The following RMC1 variants were observed in gnomAD, a reference collection of about 807,000 sequenced individuals.
RMC1 encodes the protein regulator of MON1-CCZ1 complex.
In RMC1, 44 loss-of-function variants were observed where a neutral mutation model predicts 95.5. The ratio of observed to expected loss-of-function variants is 0.46; its 90% CI spans 0.36 to 0.59. The LOEUF (loss-of-function observed/expected upper bound fraction) is 0.59, where lower values mean the gene tolerates loss of function less well. RMC1 is among the 20% of genes least tolerant of loss of function. The pLI, the probability that RMC1 is intolerant of heterozygous loss-of-function variation, is 0.00. For synonymous variants in RMC1, 320 were observed against 303.6 expected (o/e 1.05, Z -0.56); for missense variants, 705 against 819.6 (o/e 0.86, Z 1.71).
At chr18:23,529,773 CACT>C in intron 16 of RMC1, 61 bp downstream of exon 16, 2 of 1,491,634 alleles carry the variant, frequency 1.3e-6, no homozygotes, top group Non-Finnish European at 1.9e-6. Context: ...AAAACACAGT[CACT>C]GTCTTAGAAG....
rs1448347988 is a variant in RMC1, at chr18:23,519,148, G to A, written c.823G>A (p.Val275Ile). The change falls in exon 9 of 20, where the codon GTA (valine) becomes ATA (isoleucine). Residue 275 changes from valine to isoleucine, a missense_variant. Coordinates refer to ENST00000269221, the MANE Select transcript of RMC1 (RefSeq NM_013326.5). ...KFALNVVDNL[V>I]VVHHQDTETS... Reference sequence around the variant, plus strand: ...TGCCCTGAACGTGGTGGACAACCTGGTAGTCGTGCATCATCAGGATACAGA... The same window carrying A: ...TGCCCTGAACGTGGTGGACAACCTGATAGTCGTGCATCATCAGGATACAGA... 1.2e-6 allele frequency: 2 copies of A among 1,614,024 alleles called. No homozygotes were observed. Among genetic ancestry groups the A allele is most frequent in the Non-Finnish European group, 1.7e-6 (2 of 1,180,014 alleles).
At chr18:23,504,293 T>G (rs2145113109) in intron 1 of RMC1, 78 bp from the exon 2 acceptor site, 1 of 1,226,394 alleles carries the variant, frequency 8.2e-7, no homozygotes, top group South Asian at 1.2e-5. Flanking sequence ...ATAACAGAAA[T>G]AATCGCTTGC....
In RMC1 at chr18:23,510,033, A is replaced by G. The variant is rs1598848477; in HGVS notation, c.408+754A>G. Among the ~76,000 whole-genome samples the G allele has an allele frequency of 3.4e-5, 5 of 148,746 alleles. No individual in the cohort carries two copies. The South Asian group carries it at 1.0e-3, about 31-fold the overall frequency. ...AAGTAATAAATTAAAAAAAAAAAAA[A>G]GAAAAGAAAAAGGGCTTGGTGGCCC... On this transcript the variant is annotated intron_variant, in intron 5 of 19. Transcript: ENST00000269221.
At chr18:23,526,564 T>A in intron 12 of RMC1, 73 bp from the exon 13 acceptor site, 1 of 1,570,130 alleles carries the variant, frequency 6.4e-7, no homozygotes. Flanking sequence ...CCGCAGATGT[T>A]TAGGGGAACC....
At chr18:23,505,727 T>C (rs1162087837) in intron 2 of RMC1, among the ~76,000 whole-genome samples, 1 of 152,052 alleles carries the variant, frequency 6.6e-6, no homozygotes, top group East Asian at 1.9e-4. Context: ...TGGCATTGCA[T>C]AGGCAATCAA....
chr18:23,514,691 T>C (rs1264270918), intron 5 of RMC1, among the ~76,000 whole-genome samples: 1 of 152,254 alleles, frequency 6.6e-6, no homozygotes. Context: ...GGGAGTTCCC[T>C]ATGGTAATCA....
At chr18:23,530,203 G>A in intron 17 of RMC1, 26 bp from the exon 18 acceptor site, 1 of 1,614,030 alleles carries the variant, frequency 6.2e-7, no homozygotes, top group Non-Finnish European at 8.5e-7. Context: ...CTTTCCAACT[G>A]AAGTGGGTCT....
chr18:23,529,443 G>A (rs1464043099), intron 15 of RMC1, 145 bp downstream of exon 15: 1 of 1,377,502 alleles, frequency 7.3e-7, no homozygotes, highest in Non-Finnish European at 9.7e-7. Context: ...AGAGCTGGTA[G>A]TTTGGCTTCT....
chr18:23,507,156 T>A, intron 3 of RMC1, 102 bp downstream of exon 3: 1 of 788,002 alleles, frequency 1.3e-6, no homozygotes, highest in Non-Finnish European at 2.1e-6. Flanking sequence ...TTTATTATCT[T>A]ACTGTTGTGA....
chr18:23,529,074 A>G (rs1348013639), intron 14 of RMC1, 105 bp from the exon 15 acceptor site: 32 of 1,500,202 alleles, frequency 2.1e-5, no homozygotes, highest in Non-Finnish European at 2.8e-5. Context: ...TTTTCCGCTC[A>G]TATCCTGGGT....
chr18:23,505,505 C>T (rs569302060), intron 2 of RMC1, among the ~76,000 whole-genome samples: 69 of 152,292 alleles, frequency 4.5e-4, no homozygotes, highest in Admixed American at 3.6e-3. Context: ...CCAGCTTGAA[C>T]CTTACATATT....
At chr18:23,518,193 C>T (rs1368175679) in intron 7 of RMC1, among the ~76,000 whole-genome samples, 2 of 152,116 alleles carry the variant, frequency 1.3e-5, no homozygotes, top group African/African-American at 4.8e-5. Context: ...TATTAGATGG[C>T]ACTTAAATAG....
chr18:23,524,059 T>C, intron 10 of RMC1, 71 bp from the exon 11 acceptor site: 1 of 1,462,492 alleles, frequency 6.8e-7, no homozygotes, highest in Non-Finnish European at 9.6e-7. Context: ...TATTGACTTT[T>C]GTGTCATAAG....
chr18:23,521,907 T>C (rs994334609), intron 10 of RMC1, among the ~76,000 whole-genome samples: 10 of 152,262 alleles, frequency 6.6e-5, no homozygotes, highest in Admixed American at 4.6e-4. Context: ...TTGAAGGAGA[T>C]TGGAGTGCAG....
At chr18:23,505,841 T>G (rs899218705) in intron 2 of RMC1, among the ~76,000 whole-genome samples, 14 of 151,914 alleles carry the variant, frequency 9.2e-5, no homozygotes, top group Admixed American at 3.3e-4. Context: ...AAGAAGTTTG[T>G]GGGTGGGGGG....
intron 13 of RMC1, 129 bp from the exon 14 acceptor site, chr18:23,527,666 A>ATT (rs2058345692): frequency 1.3e-5 from 9 of 688,456 alleles, no homozygotes; most frequent in East Asian, 2.9e-5. Context: ...TCTTTAAAGT[A>ATT]GAGTGTCCTT....
chr18:23,521,746 T>C (rs2058148154), intron 10 of RMC1, among the ~76,000 whole-genome samples: 1 of 151,928 alleles, frequency 6.6e-6, no homozygotes, highest in Admixed American at 6.6e-5. Flanking sequence ...TTCTGGAGGC[T>C]AGAAGTTCAA....
At chr18:23,529,604 T>C (rs1165865760) in intron 15 of RMC1, 31 bp from the exon 16 acceptor site, 1 of 1,581,390 alleles carries the variant, frequency 6.3e-7, no homozygotes, top group Admixed American at 1.7e-5. Flanking sequence ...ACCTCGTTGG[T>C]ATTTGTAAGA....
chr18:23,515,799 C>G, intron 5 of RMC1, 57 bp from the exon 6 acceptor site: 1 of 1,605,982 alleles, frequency 6.2e-7, no homozygotes, highest in Non-Finnish European at 8.5e-7. Context: ...TCCCAAAGTG[C>G]TGGGATTAGT....
Sources: gnomAD v4.1 joint callset for allele counts (sites outside exome capture counted in the v4.1 genomes callset) on GRCh38, gnomAD v4.1.1 for gene constraint, MANE v1.5 for transcripts, NCBI Gene and HGNC (gene_info 2026-07-23, HGNC 2026-07-21) for gene names.